Variants in CHODL observed in about 807,000 individuals in gnomAD.
The protein encoded by CHODL is chondrolectin.
Under a neutral mutation model 34.5 loss-of-function variants are expected in CHODL, and 29 were observed. That is an observed-to-expected ratio of 0.84 (90% confidence interval 0.63 to 1.15). The LOEUF (loss-of-function observed/expected upper bound fraction) is 1.15. CHODL is among the 50% of genes most tolerant of loss of function. The pLI is 0.00. For missense variants in CHODL, 332 were observed against 332.5 expected (o/e 1.00, Z 0.01); for synonymous variants, 125 against 116.1 (o/e 1.08, Z -0.49).
chr21:18,205,210 A>C (rs1190151648), intron 2 of CHODL, among the ~76,000 whole-genome samples: 1 of 152,180 alleles, frequency 6.6e-6, no homozygotes, highest in Non-Finnish European at 1.5e-5. Flanking sequence ...TCAGTATGAT[A>C]CTAGCTGTGG....
intron 2 of CHODL, among the ~76,000 whole-genome samples, chr21:18,182,243 G>A (rs923836001): frequency 5.3e-5 from 8 of 152,040 alleles, no homozygotes; most frequent in African/African-American, 1.9e-4. Context: ...AATTTAATAT[G>A]AGTAAAAAAT....
At chr21:17,986,121 A>C (rs984653460) in intron 1 of CHODL, among the ~76,000 whole-genome samples, 1 of 152,128 alleles carries the variant, frequency 6.6e-6, no homozygotes, top group African/African-American at 2.4e-5. Flanking sequence ...GTACCCCAGT[A>C]GTACTTAATT....
chr21:17,932,847 C>T (rs866449074), intron 1 of CHODL, among the ~76,000 whole-genome samples: 14 of 152,126 alleles, frequency 9.2e-5, no homozygotes, highest in Middle Eastern at 3.4e-3. Context: ...GACCAGCGTT[C>T]AGCATACGGA....
rs2074473779 is a variant in CHODL at position 18,267,134 on chromosome 21, AT to A, written c.*1100del. ...GTGGAGACAAGCACAGCACACAGAC[AT>A]TTTAGGAAGGAAAGGAACTACGAAA... On this transcript the variant is annotated 3_prime_UTR_variant, in exon 6 of 6. Transcript: ENST00000299295. The A allele has an allele frequency of 6.6e-6, 1 of 152,224 alleles. No individual in the cohort carries two copies. The highest frequency in any genetic ancestry group is 2.1e-4 in the South Asian group (1 of 4,826). 9.4% of individuals were successfully genotyped at this position (152,224 alleles called of 1,614,324 possible).
At chr21:18,004,497 G>A (rs2063941570) in intron 1 of CHODL, among the ~76,000 whole-genome samples, 1 of 152,176 alleles carries the variant, frequency 6.6e-6, no homozygotes, top group Admixed American at 6.5e-5. Flanking sequence ...CCTGAAATAC[G>A]TACCCGTGGC....
intron 1 of CHODL, among the ~76,000 whole-genome samples, chr21:17,979,012 C>T (rs1001991102): frequency 9.9e-5 from 15 of 152,148 alleles, no homozygotes; most frequent in African/African-American, 2.9e-4. Context: ...CCTTTGCTTT[C>T]CTCTTCTTTT....
At chr21:18,041,883 T>C (rs148074378) in intron 2 of CHODL, among the ~76,000 whole-genome samples, 79 of 151,990 alleles carry the variant, frequency 5.2e-4, no homozygotes, top group African/African-American at 1.6e-3. Flanking sequence ...CAAATTCAAA[T>C]TGATCCACTA....
chr21:18,088,509 C>T (rs976395532), intron 2 of CHODL, among the ~76,000 whole-genome samples: 10 of 152,156 alleles, frequency 6.6e-5, no homozygotes, highest in Admixed American at 6.5e-4. Context: ...GTGTCAGACC[C>T]AGTGGGTCAA....
At chr21:18,090,530 G>A (rs2065059736) in intron 2 of CHODL, among the ~76,000 whole-genome samples, 1 of 151,920 alleles carries the variant, frequency 6.6e-6, no homozygotes, top group African/African-American at 2.4e-5. Context: ...CAGTTGAGAA[G>A]TTCAAAATAA....
intron 1 of CHODL, among the ~76,000 whole-genome samples, chr21:18,025,054 TA>T (rs1185754980): frequency 2.6e-5 from 4 of 152,170 alleles, no homozygotes; most frequent in Non-Finnish European, 5.9e-5. Flanking sequence ...TATGTTTCAA[TA>T]GTTACAGAAA....
At chr21:18,003,288 A>G (rs1035010552) in intron 1 of CHODL, among the ~76,000 whole-genome samples, 1 of 151,692 alleles carries the variant, frequency 6.6e-6, no homozygotes, top group African/African-American at 2.4e-5. Context: ...ATATAGTGAC[A>G]CACCTCTTAG....
chr21:18,129,892 CTGTGTGTGTGTGTGTGTGTG>C (rs150557806), intron 2 of CHODL, among the ~76,000 whole-genome samples: 44 of 140,698 alleles, frequency 3.1e-4, no homozygotes, highest in African/African-American at 1.0e-3. Flanking sequence ...CTGTCTTTCT[CTGTGTGTGTGTGTGTGTGTG>C]TGTGTGTGTG....
In CHODL at chr21:17,994,720, G is replaced by A. The variant is rs556320922; in HGVS notation, c.-144-33152G>A. 5.7e-3 allele frequency among the ~76,000 whole-genome samples: 867 copies of A among 152,290 alleles called. 9 individuals are homozygous for A. Among genetic ancestry groups the A allele is most frequent in the African/African-American group, 0.014 (579 of 41,548 alleles). ...GGCAGGTGGGACAGACCTGTCCTCAGGCTTCCAGATGGTGTGTGTGGGTGC... is the reference window on the plus strand; with the variant it reads ...GGCAGGTGGGACAGACCTGTCCTCAAGCTTCCAGATGGTGTGTGTGGGTGC... On this transcript the variant is annotated intron_variant, in intron 1 of 6. Transcript: ENST00000400127.
chr21:17,976,493 G>A (rs890009631), intron 1 of CHODL, among the ~76,000 whole-genome samples: 5 of 151,988 alleles, frequency 3.3e-5, no homozygotes, highest in African/African-American at 9.7e-5. Flanking sequence ...TCTTTCATGT[G>A]ACAATGAGAA....
At chr21:18,199,454 A>T (rs1369051666) in intron 2 of CHODL, among the ~76,000 whole-genome samples, 3 of 152,190 alleles carry the variant, frequency 2.0e-5, no homozygotes, top group Middle Eastern at 3.4e-3. Context: ...ATTTTTTACA[A>T]TTGACATATC....
intron 2 of CHODL, among the ~76,000 whole-genome samples, chr21:18,140,584 G>C (rs1221823032): frequency 1.3e-5 from 2 of 152,100 alleles, no homozygotes; most frequent in Admixed American, 6.6e-5. Flanking sequence ...ATGGCTCACT[G>C]TCTGTTCCAG....
chr21:18,188,536 T>C (rs546630256), intron 2 of CHODL, among the ~76,000 whole-genome samples: 72 of 152,292 alleles, frequency 4.7e-4, no homozygotes, highest in African/African-American at 1.6e-3. Flanking sequence ...TAACGAAAGA[T>C]AAAAGAAGGA....
chr21:17,937,650 C>T (rs566552288), intron 1 of CHODL, among the ~76,000 whole-genome samples: 10 of 152,276 alleles, frequency 6.6e-5, no homozygotes, highest in African/African-American at 2.4e-4. Context: ...TCTCTTTAAC[C>T]ACTGGAGCCT....
chr21:18,051,067 A>G (rs1331014571), intron 2 of CHODL, among the ~76,000 whole-genome samples: 1 of 151,736 alleles, frequency 6.6e-6, no homozygotes, highest in East Asian at 2.0e-4. Context: ...TCCTAATGCT[A>G]TCCCTTCCCT....
Sources: allele counts gnomAD v4.1 joint callset (sites outside exome capture counted in the v4.1 genomes callset), GRCh38; gene constraint gnomAD v4.1.1; transcripts MANE v1.5; gene names NCBI Gene and HGNC (gene_info 2026-07-23, HGNC 2026-07-21).